Variants in TENM3 observed in about 807,000 individuals in gnomAD.
The protein encoded by TENM3 is teneurin-3.
Under a neutral mutation model 255.1 loss-of-function variants are expected in TENM3, and 63 were observed. The ratio of observed to expected loss-of-function variants is 0.25; its 90% CI spans 0.20 to 0.30. The LOEUF is 0.30. Ranked by LOEUF, TENM3 falls within the 10% of genes least tolerant of loss-of-function variation. The pLI, the probability that TENM3 is intolerant of heterozygous loss-of-function variation, is 1.00. For synonymous variants in TENM3, 1,306 were observed against 1,322.3 expected, an observed-to-expected ratio of 0.99 and a Z score of 0.27; for missense variants, 2,929 against 3,461.1, an observed-to-expected ratio of 0.85 and a Z score of 3.86.
At chr4:181,496,723 G>A in the TENM3 span, among the ~76,000 whole-genome samples, 4 of 152,108 alleles carry the variant, frequency 2.6e-5, no homozygotes, top group East Asian at 1.9e-4. Flanking sequence ...GTGTGATTAC[G>A]GTGAATGTCA....
intron 1 of TENM3, among the ~76,000 whole-genome samples, chr4:182,198,190 G>A (rs995827566): frequency 2.0e-5 from 3 of 152,136 alleles, no homozygotes; most frequent in African/African-American, 4.8e-5. Flanking sequence ...ACCCTGGGCC[G>A]TTTACTCTGG....
chr4:181,942,555 A>T, the TENM3 span, among the ~76,000 whole-genome samples: 1 of 152,194 alleles, frequency 6.6e-6, no homozygotes, highest in African/African-American at 2.4e-5. Flanking sequence ...TCAGCCAAAT[A>T]TCAGACTGCA....
chr4:182,092,783 G>T, the TENM3 span, among the ~76,000 whole-genome samples: 2 of 152,270 alleles, frequency 1.3e-5, no homozygotes, highest in Non-Finnish European at 2.9e-5. Context: ...GAAATCTTTA[G>T]TCAGTACAAA....
chr4:181,726,983 G>C, the TENM3 span, among the ~76,000 whole-genome samples: 1 of 152,212 alleles, frequency 6.6e-6, no homozygotes, highest in Non-Finnish European at 1.5e-5. Context: ...TGCAGATGGA[G>C]AGATGCATAC....
At chr4:181,663,788 G>T in the TENM3 span, among the ~76,000 whole-genome samples, 1 of 152,168 alleles carries the variant, frequency 6.6e-6, no homozygotes, top group Non-Finnish European at 1.5e-5. Context: ...TTCTTCCTGA[G>T]TTAGTGACTG....
At chr4:181,860,840 G>C in the TENM3 span, among the ~76,000 whole-genome samples, 9 of 152,142 alleles carry the variant, frequency 5.9e-5, no homozygotes, top group African/African-American at 1.9e-4. Context: ...TTGGGCTGCA[G>C]ATCACATTAT....
In TENM3 at chr4:182,799,376, C is replaced by T. The variant is rs1456532543; in HGVS notation, c.7345-220C>T. Among the ~76,000 whole-genome samples the T allele has an allele frequency of 1.3e-5, 2 of 152,220 alleles. No homozygotes were observed. The highest frequency in any genetic ancestry group is 4.8e-5 in the African/African-American group (2 of 41,472). ...ACGAAGAAAGCTTTAAAGTGATCCA[C>T]GATGAGTGAGCCATTTGGGGGTTCC... On this transcript the variant is annotated intron_variant, in intron 27 of 27. Coordinates refer to ENST00000511685, the MANE Select transcript of TENM3 (RefSeq NM_001080477.4). This position sits in a 1 kb window ranked among gnomAD's most constrained non-coding sequence, Gnocchi z 4.2.
At chr4:182,706,895 A>G (rs904332751) in intron 12 of TENM3, among the ~76,000 whole-genome samples, 1 of 151,158 alleles carries the variant, frequency 6.6e-6, no homozygotes, top group African/African-American at 2.4e-5. Context: ...TTGAGGCTGC[A>G]GTGAGCCAAG....
the TENM3 span, among the ~76,000 whole-genome samples, chr4:181,680,091 G>A: frequency 0.44 from 66,314 of 151,944 alleles, 16,972 homozygotes; most frequent in Admixed American, 0.56. Context: ...TGTCATAGGT[G>A]TAAACATTTT....
intron 13 of TENM3, among the ~76,000 whole-genome samples, chr4:182,716,610 G>A (rs1759196397): frequency 6.6e-6 from 1 of 152,060 alleles, no homozygotes; most frequent in African/African-American, 2.4e-5. Context: ...CTAAGCCAGC[G>A]GGTTCTTTGA....
chr4:182,199,650 C>A (rs1007586856), intron 1 of TENM3, among the ~76,000 whole-genome samples: 2 of 149,892 alleles, frequency 1.3e-5, no homozygotes, highest in African/African-American at 4.9e-5. Context: ...AATCCAGGTG[C>A]AAGTTTTAAA....
At chr4:182,056,552 C>A in the TENM3 span, among the ~76,000 whole-genome samples, 1 of 152,132 alleles carries the variant, frequency 6.6e-6, no homozygotes, top group Non-Finnish European at 1.5e-5. Context: ...ACAGGATAAA[C>A]CACCTTTAAA....
Position 182,753,430 on chromosome 4 carries a change from CTT to C in TENM3, c.3863-19_3863-18del. ...AACCATTTTTGAAAAATTAGTAATACTTGCTTCTCTCAAATACAGGAATGGCA... is the reference window on the plus strand; with the variant it reads ...AACCATTTTTGAAAAATTAGTAATACGCTTCTCTCAAATACAGGAATGGCA... On this transcript the variant is annotated intron_variant, in intron 20 of 27. Transcript: ENST00000511685. The C allele has an allele frequency of 1.2e-6, 2 of 1,603,868 alleles. No individual in the cohort carries two copies. Among genetic ancestry groups the C allele is most frequent in the East Asian group, 2.2e-5 (1 of 44,782 alleles).
At chr4:182,286,391 G>A (rs1055343307) in intron 1 of TENM3, among the ~76,000 whole-genome samples, 23 of 152,306 alleles carry the variant, frequency 1.5e-4, no homozygotes, top group Admixed American at 5.9e-4. Context: ...TTGGAATGCC[G>A]TTCTCTACTT....
the TENM3 span, among the ~76,000 whole-genome samples, chr4:181,729,885 A>G: frequency 6.6e-6 from 1 of 152,240 alleles, no homozygotes; most frequent in Non-Finnish European, 1.5e-5. Flanking sequence ...ACCTGGCCAC[A>G]CGATGTCTGA....
chr4:182,349,806 C>T, intron 3 of TENM3: 1 of 343,618 alleles, frequency 2.9e-6, no homozygotes, highest in South Asian at 2.3e-5. Flanking sequence ...CTCTTCAATT[C>T]TTTTCATTTT....
rs964459427 is a variant in TENM3, at chr4:182,600,133, A to G, written c.512-791A>G. Among the ~76,000 whole-genome samples the G allele has an allele frequency of 8.5e-5, 13 of 152,208 alleles. 1 individual carries two copies. The highest frequency in any genetic ancestry group is 8.5e-4 in the Admixed American group (13 of 15,276). On this transcript the variant is annotated intron_variant, in intron 3 of 27. Transcript: ENST00000511685. Reference sequence around the variant, plus strand: ...GGTTTAAAACAAAAATATTTGTATCACTGACATAGTGGCATGAGCCTATCT... The same window carrying G: ...GGTTTAAAACAAAAATATTTGTATCGCTGACATAGTGGCATGAGCCTATCT...
intron 3 of TENM3, 67 bp downstream of exon 3, chr4:182,346,996 G>GC (rs1554053258): frequency 1.8e-5 from 18 of 990,876 alleles, no homozygotes; most frequent in Admixed American, 1.6e-4. Context: ...TTGACTCCGC[G>GC]GGGGGGGATG....
the TENM3 span, among the ~76,000 whole-genome samples, chr4:181,936,553 T>C: frequency 6.6e-6 from 1 of 152,280 alleles, no homozygotes; most frequent in African/African-American, 2.4e-5. Context: ...TTTTGTCCTA[T>C]GTTGGTGCAA....
Sources: gnomAD v4.1 joint callset for allele counts (sites outside exome capture counted in the v4.1 genomes callset) on GRCh38, gnomAD v4.1.1 for gene constraint, Gnocchi (gnomAD v3.1) non-coding constraint, MANE v1.5 for transcripts, NCBI Gene and HGNC (gene_info 2026-07-23, HGNC 2026-07-21) for gene names.